Variants in EPS15 observed in about 807,000 individuals in gnomAD.
EPS15 encodes epidermal growth factor receptor pathway substrate 15, also known as epidermal growth factor receptor substrate 15.
Under a neutral mutation model 113.8 loss-of-function variants are expected in EPS15, and 72 were observed. That is an observed-to-expected ratio of 0.63 (90% CI 0.52 to 0.77). The LOEUF is 0.77. EPS15 is among the 30% of genes least tolerant of loss of function. EPS15 has a pLI of 0.00. For synonymous variants in EPS15, 344 were observed against 363.4 expected (o/e 0.95, Z 0.61); for missense variants, 1,048 against 1,045.8 (o/e 1.00, Z -0.03).
chr1:51,403,146 C>T (rs536560626), intron 17 of EPS15, among the ~76,000 whole-genome samples: 19 of 152,098 alleles, frequency 1.2e-4, no homozygotes, highest in Non-Finnish European at 2.5e-4. Flanking sequence ...TCAAGCAATC[C>T]ACCTACTTCA....
intron 1 of EPS15, among the ~76,000 whole-genome samples, chr1:51,506,823 G>A (rs1317865409): frequency 6.7e-6 from 1 of 148,150 alleles, no homozygotes; most frequent in Non-Finnish European, 1.5e-5. Flanking sequence ...AGAATGTAGA[G>A]AACAAACTAA....
chr1:51,471,283 A>G (rs1386233424), intron 4 of EPS15, among the ~76,000 whole-genome samples: 2 of 152,226 alleles, frequency 1.3e-5, no homozygotes, highest in Non-Finnish European at 2.9e-5. Flanking sequence ...TTTGGTTTAT[A>G]TATCAGGAGT....
intron 2 of EPS15, among the ~76,000 whole-genome samples, chr1:51,476,881 T>C (rs185185392): frequency 6.6e-6 from 1 of 152,358 alleles, no homozygotes; most frequent in Non-Finnish European, 1.5e-5. Flanking sequence ...GATTTTTGCA[T>C]GGATGTTCAT....
At chr1:51,474,317 A>T (rs1655448771) in intron 2 of EPS15, among the ~76,000 whole-genome samples, 1 of 152,216 alleles carries the variant, frequency 6.6e-6, no homozygotes. Context: ...CTGTATCTAT[A>T]AGACATACAT....
At chr1:51,413,542 T>C (rs1649939013) in intron 13 of EPS15, among the ~76,000 whole-genome samples, 2 of 152,208 alleles carry the variant, frequency 1.3e-5, no homozygotes, top group African/African-American at 4.8e-5. Context: ...TTACATAATG[T>C]GAAACACTTC....
At chr1:51,480,389 A>T (rs1252581762) in intron 2 of EPS15, among the ~76,000 whole-genome samples, 3 of 152,218 alleles carry the variant, frequency 2.0e-5, no homozygotes, top group African/African-American at 7.2e-5. Context: ...ACTACTTTAT[A>T]CTCGTAGAGG....
At chr1:51,374,278 T>G (rs1570116196) in intron 21 of EPS15, among the ~76,000 whole-genome samples, 1 of 152,264 alleles carries the variant, frequency 6.6e-6, no homozygotes, top group East Asian at 1.9e-4. Context: ...CTTAAACTAA[T>G]CTCACAATAA....
intron 14 of EPS15, 131 bp from the exon 15 acceptor site, chr1:51,408,463 A>G (rs1649351470): frequency 1.4e-5 from 9 of 652,384 alleles, no homozygotes; most frequent in Non-Finnish European, 2.4e-5. Flanking sequence ...ATAGCAAATA[A>G]TTTATTTAAT....
At chr1:51,388,566 G>A (rs559372597) in intron 21 of EPS15, among the ~76,000 whole-genome samples, 2,860 of 152,110 alleles carry the variant, frequency 0.019, 90 homozygotes, top group African/African-American at 0.066. Flanking sequence ...TTGATAGACC[G>A]CTAGCAAGAC....
intron 21 of EPS15, among the ~76,000 whole-genome samples, chr1:51,374,775 G>A (rs72694144): frequency 0.03 from 4,571 of 151,926 alleles, 74 homozygotes; most frequent in African/African-American, 0.05. Flanking sequence ...TCGCTCTGTT[G>A]CTCAGGCGAG....
chr1:51,390,252 G>C (rs1255513372), intron 21 of EPS15, among the ~76,000 whole-genome samples: 1 of 150,962 alleles, frequency 6.6e-6, no homozygotes, highest in East Asian at 1.9e-4. Context: ...TGGGAAAACT[G>C]GCTAGCCATA....
chr1:51,357,426 A>ATATATATAT (rs1443627608), intron 24 of EPS15, among the ~76,000 whole-genome samples: 10 of 53,538 alleles, frequency 1.9e-4, no homozygotes, highest in African/African-American at 7.7e-4. Context: ...ATATATATAT[A>ATATATATAT]TTTTTTTTTT....
chr1:51,441,926 A>C (rs1351776280), intron 11 of EPS15, among the ~76,000 whole-genome samples: 1 of 152,174 alleles, frequency 6.6e-6, no homozygotes, highest in African/African-American at 2.4e-5. Flanking sequence ...TAAAACAGGT[A>C]CATCAATAAA....
chr1:51,445,051 CAAATAAACA>C lies in EPS15; in HGVS notation c.798-15_798-7del. The C allele has an allele frequency of 1.9e-6, 3 of 1,609,466 alleles. No homozygotes were observed. Among genetic ancestry groups the C allele is most frequent in the Non-Finnish European group, 2.5e-6 (3 of 1,177,548 alleles). ...CCTTTGTGTCGCATAATGACCTGCA[CAAATAAACA>C]AAATGAATGGTATGTAAGTGCCACA... is the stretch of plus-strand genomic sequence containing the variant. On this transcript the variant is annotated splice_region_variant and splice_polypyrimidine_tract_variant and intron_variant, in intron 10 of 24. Transcript: ENST00000371733.
intron 21 of EPS15, among the ~76,000 whole-genome samples, chr1:51,381,491 G>A (rs1646940897): frequency 6.6e-6 from 1 of 152,148 alleles, no homozygotes; most frequent in South Asian, 2.1e-4. Context: ...TACTTGTGAG[G>A]CTGAGGCAGG....
chr1:51,492,984 T>C (rs1570422800), intron 1 of EPS15, among the ~76,000 whole-genome samples: 1 of 152,100 alleles, frequency 6.6e-6, no homozygotes, highest in South Asian at 2.1e-4. Flanking sequence ...TCCCAGCACT[T>C]TGGGAGGCCA....
At chr1:51,368,450 T>C (rs757300745) in intron 21 of EPS15, among the ~76,000 whole-genome samples, 7 of 152,198 alleles carry the variant, frequency 4.6e-5, no homozygotes, top group Non-Finnish European at 8.8e-5. Flanking sequence ...TTCAGGGTTA[T>C]AGGAAATCCT....
chr1:51,381,054 T>C (rs951372480), intron 21 of EPS15, among the ~76,000 whole-genome samples: 2 of 152,168 alleles, frequency 1.3e-5, no homozygotes, highest in African/African-American at 4.8e-5. Flanking sequence ...CTGACAGAAC[T>C]GAAGGGAGAA....
chr1:51,495,892 G>C (rs1034965749), intron 1 of EPS15, among the ~76,000 whole-genome samples: 1 of 152,024 alleles, frequency 6.6e-6, no homozygotes, highest in Non-Finnish European at 1.5e-5. Flanking sequence ...AACAAATGAA[G>C]AACAGCTTAG....
Sources: allele counts gnomAD v4.1 joint callset (sites outside exome capture counted in the v4.1 genomes callset), GRCh38; gene constraint gnomAD v4.1.1; transcripts MANE v1.5; gene names NCBI Gene and HGNC (gene_info 2026-07-23, HGNC 2026-07-21).